Variants in SGSM1 observed in about 807,000 individuals in gnomAD.
SGSM1 encodes RUN and TBC1 domain containing 2.
SGSM1 carries 73 observed loss-of-function variants against 133.8 expected under a neutral mutation model. The observed-to-expected ratio is 0.55, with a 90% CI of 0.45 to 0.66. The LOEUF is 0.66. Among genes scored for constraint, SGSM1 ranks in the 30% least tolerant of loss-of-function variants. The probability of loss-of-function intolerance (pLI) is 0.00; values close to 1 mark genes in which losing one functional copy is unlikely to be tolerated. For synonymous variants in SGSM1, 563 were observed against 573.0 expected, an observed-to-expected ratio of 0.98 and a Z score of 0.25; for missense variants, 1,213 against 1,448.1, an observed-to-expected ratio of 0.84 and a Z score of 2.64.
At chr22:24,877,151 TCA>T (rs1932066248) in intron 13 of SGSM1, among the ~76,000 whole-genome samples, 1 of 152,162 alleles carries the variant, frequency 6.6e-6, no homozygotes, top group Non-Finnish European at 1.5e-5. Flanking sequence ...TCATATCCAC[TCA>T]CAGCCCATTG....
chr22:24,902,641 T>C (rs1933208121), intron 20 of SGSM1, among the ~76,000 whole-genome samples: 1 of 152,050 alleles, frequency 6.6e-6, no homozygotes, highest in South Asian at 2.1e-4. Context: ...GAGCTATGAT[T>C]ACACCATTGT....
intron 12 of SGSM1, among the ~76,000 whole-genome samples, chr22:24,870,696 G>C (rs919638771): frequency 3.3e-5 from 5 of 152,142 alleles, no homozygotes; most frequent in African/African-American, 1.2e-4. Context: ...AGTCCCTTCT[G>C]GCCAGGGATG....
rs71189301 is a variant in SGSM1, at chr22:24,807,888, C to CGTGTGTGTGTGTGTGTGT, written c.63+1411_63+1428dup. ...CTCCGGGAGCATGAGTATGTGCCTG[C>CGTGTGTGTGTGTGTGTGT]GTGTGTGTGTGTGTGTGTGTGTGTC... On this transcript the variant is annotated intron_variant, in intron 2 of 24. Coordinates refer to ENST00000400358, the MANE Select transcript of SGSM1 (RefSeq NM_001098497.3). Among the ~76,000 whole-genome samples, 1,070 of 147,752 alleles carry CGTGTGTGTGTGTGTGTGT rather than the reference C, an allele frequency of 7.2e-3. 7 individuals carry two copies. The highest frequency in any genetic ancestry group is 0.028 in the Middle Eastern group (8 of 290).
At chr22:24,852,887 C>T (rs1283035043) in intron 5 of SGSM1, among the ~76,000 whole-genome samples, 1 of 152,116 alleles carries the variant, frequency 6.6e-6, no homozygotes, top group African/African-American at 2.4e-5. Flanking sequence ...AGATTTGACA[C>T]CAAAATGTAC....
intron 9 of SGSM1, among the ~76,000 whole-genome samples, chr22:24,863,009 G>A (rs1931241910): frequency 6.6e-6 from 1 of 152,200 alleles, no homozygotes; most frequent in Non-Finnish European, 1.5e-5. Flanking sequence ...CCAGGGTTGT[G>A]TGGGCCAGAA....
Position 24,895,221 on chromosome 22 carries a change from A to G in SGSM1, c.1954-2A>G, listed in dbSNP as rs1318176331. 6.2e-7 allele frequency: 1 copy of G among 1,607,042 alleles called. No individual in the cohort carries two copies. The highest frequency in any genetic ancestry group is 1.1e-5 in the South Asian group (1 of 89,276). ...CCTCCCTCCTGCTCTTTCTTTTCTC[A>G]GTCCTCCCAGAGCTGCAGTTCGGGC... On this transcript the variant is annotated splice_acceptor_variant, in intron 17 of 24. Coordinates refer to ENST00000400358, the MANE Select transcript of SGSM1 (RefSeq NM_001098497.3). LOFTEE classifies it high-confidence loss of function.
intron 2 of SGSM1, among the ~76,000 whole-genome samples, chr22:24,828,574 C>T (rs925290366): frequency 4.6e-5 from 7 of 152,156 alleles, no homozygotes; most frequent in African/African-American, 1.4e-4. Context: ...CATCTCACAT[C>T]AGTCAGAATG....
At chr22:24,911,963 G>A (rs1447737233) in intron 21 of SGSM1, among the ~76,000 whole-genome samples, 1 of 151,912 alleles carries the variant, frequency 6.6e-6, no homozygotes, top group Non-Finnish European at 1.5e-5. Context: ...GCTGAGGCAG[G>A]AGAATGGCGT....
chr22:24,837,563 C>G (rs532659438), intron 2 of SGSM1, among the ~76,000 whole-genome samples: 1 of 136,816 alleles, frequency 7.3e-6, no homozygotes, highest in African/African-American at 3.0e-5. Flanking sequence ...TCTAAACTCC[C>G]CCGGGGAAAG....
chr22:24,915,592 G>A (rs1933794300), intron 22 of SGSM1, among the ~76,000 whole-genome samples: 1 of 151,924 alleles, frequency 6.6e-6, no homozygotes, highest in Admixed American at 6.6e-5. Context: ...TATATATGTG[G>A]AGTACATGAG....
intron 20 of SGSM1, 43 bp downstream of exon 20, chr22:24,902,000 G>T (rs1425786614): frequency 7.0e-7 from 1 of 1,432,340 alleles, no homozygotes; most frequent in Non-Finnish European, 9.4e-7. Flanking sequence ...GGGGATGGTG[G>T]GTGGGTGGGA....
At position 24,925,454 on chromosome 22, in the gene SGSM1, G is replaced by A. The variant is rs1328656360; in HGVS notation, c.*1180G>A. ...TTTTCTCCTTTTTTCTCCTCTGTCT[G>A]ATGCCAGAAGATACTTGTTTTCTTC... On this transcript the variant is annotated 3_prime_UTR_variant, in exon 25 of 25. Transcript: ENST00000400358. 1 of 151,988 alleles carries A rather than the reference G, an allele frequency of 6.6e-6. No homozygotes were observed. The highest frequency in any genetic ancestry group is 1.5e-5 in the Non-Finnish European group (1 of 68,002). 9.4% of individuals were successfully genotyped at this position (151,988 alleles called of 1,614,324 possible).
At chr22:24,816,395 A>T (rs969265083) in intron 2 of SGSM1, among the ~76,000 whole-genome samples, 10 of 150,396 alleles carry the variant, frequency 6.6e-5, no homozygotes, top group African/African-American at 2.4e-4. Context: ...GAAGCTAAAA[A>T]ATTGATTTCT....
intron 2 of SGSM1, among the ~76,000 whole-genome samples, chr22:24,842,830 T>C (rs967528726): frequency 6.6e-6 from 1 of 152,184 alleles, no homozygotes; most frequent in Non-Finnish European, 1.5e-5. Flanking sequence ...TTGCAGACAT[T>C]TATTGCGTGC....
chr22:24,891,759 C>T (rs191677705), intron 16 of SGSM1, among the ~76,000 whole-genome samples: 24 of 152,180 alleles, frequency 1.6e-4, no homozygotes, highest in Admixed American at 8.5e-4. Flanking sequence ...GCACCTAAGA[C>T]GGGCAGGGGT....
In SGSM1 at chr22:24,881,374, G is replaced by T. The variant is rs185473784; in HGVS notation, c.1495+1848G>T. Among the ~76,000 whole-genome samples the T allele has an allele frequency of 2.5e-3, 362 of 146,098 alleles. 34 individuals are homozygous for T. Among genetic ancestry groups the T allele is most frequent in the African/African-American group, 8.7e-3 (342 of 39,502 alleles). On this transcript the variant is annotated intron_variant, in intron 14 of 24. Transcript: ENST00000400358. Reference sequence around the variant, plus strand: ...GAGGTCAGGAGATTGAAACCATCCTGGCTAACATGGTGAAACCCCGTCTCT... The same window carrying T: ...GAGGTCAGGAGATTGAAACCATCCTTGCTAACATGGTGAAACCCCGTCTCT...
At chr22:24,840,201 T>A (rs1929710592) in intron 2 of SGSM1, among the ~76,000 whole-genome samples, 1 of 152,078 alleles carries the variant, frequency 6.6e-6, no homozygotes, top group African/African-American at 2.4e-5. Flanking sequence ...GCATCAGCCT[T>A]CCAGATTGCT....
chr22:24,885,091 G>GGCATGCGCCCCCA (rs139717), intron 15 of SGSM1, among the ~76,000 whole-genome samples: 1 of 151,822 alleles, frequency 6.6e-6, no homozygotes, highest in South Asian at 2.1e-4. Flanking sequence ...TGGGATTACA[G>GGCATGCGCCCCCA]TGCCTGGCCA....
chr22:24,831,397 C>T (rs1290000457), intron 2 of SGSM1, among the ~76,000 whole-genome samples: 1 of 152,086 alleles, frequency 6.6e-6, no homozygotes, highest in African/African-American at 2.4e-5. Context: ...ACCTCACATG[C>T]AGCAGTCATT....
Sources: allele counts gnomAD v4.1 joint callset (sites outside exome capture counted in the v4.1 genomes callset), GRCh38; gene constraint gnomAD v4.1.1; transcripts MANE v1.5; gene names NCBI Gene and HGNC (gene_info 2026-07-23, HGNC 2026-07-21).